The following FBN1 variants were observed in gnomAD, a reference collection of about 807,000 sequenced individuals.
FBN1 encodes the protein fibrillin-1.
FBN1 carries 29 observed loss-of-function variants against 365.1 expected under a neutral mutation model. That is an observed-to-expected ratio of 0.08 (90% CI 0.06 to 0.11). The LOEUF (loss-of-function observed/expected upper bound fraction) is 0.11. Ranked by LOEUF, FBN1 falls within the 10% of genes least tolerant of loss-of-function variation. The probability of loss-of-function intolerance (pLI) is 1.00; values close to 1 mark genes in which losing one functional copy is unlikely to be tolerated. For synonymous variants in FBN1, 1,210 were observed against 1,270.5 expected, an observed-to-expected ratio of 0.95 and a Z score of 1.01; for missense variants, 2,476 against 3,703.2, an observed-to-expected ratio of 0.67 and a Z score of 8.60.
At chr15:48,501,143 T>C (rs990609989) in intron 17 of FBN1, among the ~76,000 whole-genome samples, 30 of 152,294 alleles carry the variant, frequency 2.0e-4, no homozygotes, top group African/African-American at 6.7e-4. Flanking sequence ...AGCTTTACTG[T>C]TGCTTTGGTT....
chr15:48,416,538 A>C (rs1393583391), intron 63 of FBN1: 1 of 153,098 alleles, frequency 6.5e-6, no homozygotes, highest in Non-Finnish European at 1.5e-5. Flanking sequence ...AGACTTCACA[A>C]GCAGTAATTG....
chr15:48,644,666 T>C lies in FBN1; in HGVS notation c.104A>G (p.Lys35Arg), dbSNP rs554167248. ...ADANLEAGNV[K>R]ETRASRAKRR... ...CTTGGCCCGACTGGCTCTGGTTTCC[T>C]TCACGTTCCCAGCCTCCAAATTGGC... The change falls in exon 2 of 66, where the codon AAG becomes AGG. Residue 35 changes from lysine (K) to arginine (R), a missense_variant. By Grantham distance (26) the Lys-to-Arg change is conservative (BLOSUM62 2). Around this residue, in one of 5 missense-constraint regions of FBN1, gnomAD observed 76 missense variants for 85.4 expected, o/e 0.89. Coordinates refer to ENST00000316623, the MANE Select transcript of FBN1 (RefSeq NM_000138.5). The C allele has an allele frequency of 1.2e-6, 2 of 1,613,940 alleles. No homozygotes were observed. Among genetic ancestry groups the C allele is most frequent in the African/African-American group, 1.3e-5 (1 of 74,838 alleles).
At position 48,409,719 on chromosome 15, in the gene FBN1, G is replaced by C. The variant is rs368317202; in HGVS notation, c.*1271C>G. On this transcript the variant is annotated 3_prime_UTR_variant, in exon 66 of 66. Transcript: ENST00000316623. ...TTGCCAAAACTGTGTATATTTGAGAGGGGGGCATGATAAATCTATTATAAT... is the reference window on the plus strand; with the variant it reads ...TTGCCAAAACTGTGTATATTTGAGACGGGGGCATGATAAATCTATTATAAT... The C allele has an allele frequency of 3.3e-5, 5 of 152,250 alleles. No individual in the cohort carries two copies. The South Asian group carries it at 1.0e-3, about 32-fold the overall frequency. The allele number at this position is 152,250 out of a possible 1,614,324, so 9.4% of individuals were successfully genotyped here.
At chr15:48,586,078 T>C (rs1320907136) in intron 6 of FBN1, among the ~76,000 whole-genome samples, 1 of 152,192 alleles carries the variant, frequency 6.6e-6, no homozygotes, top group African/African-American at 2.4e-5. Context: ...TACCTCTTAG[T>C]AAATATTTAA....
intron 60 of FBN1, among the ~76,000 whole-genome samples, chr15:48,423,770 C>G (rs2042959840): frequency 6.6e-6 from 1 of 152,086 alleles, no homozygotes; most frequent in Non-Finnish European, 1.5e-5. Flanking sequence ...ACTATCTGCA[C>G]TATTCATTTG....
At chr15:48,439,764 A>G (rs2043098773) in intron 50 of FBN1, among the ~76,000 whole-genome samples, 1 of 152,122 alleles carries the variant, frequency 6.6e-6, no homozygotes, top group South Asian at 2.1e-4. Flanking sequence ...GAAAAAAAAA[A>G]ATCTTGGCAT....
At chr15:48,572,358 G>C (rs992251551) in intron 6 of FBN1, among the ~76,000 whole-genome samples, 3 of 151,966 alleles carry the variant, frequency 2.0e-5, no homozygotes, top group African/African-American at 7.2e-5. Context: ...CTCTACCTTT[G>C]TAGGGGCAAG....
rs139437414 is a variant in FBN1, at chr15:48,532,835, TG to T, written c.862+1244del. 4.1e-3 allele frequency among the ~76,000 whole-genome samples: 627 copies of T among 152,320 alleles called. 5 individuals carry two copies. Among genetic ancestry groups the T allele is most frequent in the Non-Finnish European group, 6.0e-3 (411 of 68,020 alleles). ...CTTTATTGTTCTTTGAAACTTAAAA[TG>T]TTTTTTTAAGAAGTCTTTAGAAAGA... On this transcript the variant is annotated intron_variant, in intron 8 of 65. Coordinates refer to ENST00000316623, the MANE Select transcript of FBN1 (RefSeq NM_000138.5).
intron 58 of FBN1, among the ~76,000 whole-genome samples, chr15:48,427,096 G>A (rs2141228333): frequency 6.6e-6 from 1 of 152,266 alleles, no homozygotes; most frequent in East Asian, 1.9e-4. Flanking sequence ...TCCTCATCCT[G>A]CTCTAGTTAA....
chr15:48,517,187 G>C (rs1455877107), intron 10 of FBN1, among the ~76,000 whole-genome samples: 5 of 152,150 alleles, frequency 3.3e-5, no homozygotes, highest in African/African-American at 1.2e-4. Flanking sequence ...CATCCAAGTG[G>C]AGCTATCACT....
chr15:48,435,744 A>G (rs1337635822), intron 53 of FBN1, among the ~76,000 whole-genome samples: 3 of 112,590 alleles, frequency 2.7e-5, no homozygotes, highest in African/African-American at 5.6e-5. Flanking sequence ...ATATGTGTGT[A>G]TATATATGTG....
chr15:48,629,610 A>G (rs1370291939), intron 2 of FBN1, among the ~76,000 whole-genome samples: 1 of 152,210 alleles, frequency 6.6e-6, no homozygotes, highest in Non-Finnish European at 1.5e-5. Context: ...TGAAATATTT[A>G]AAAGTAAAAT....
At chr15:48,468,243 C>T (rs1014931426) in intron 37 of FBN1, 141 bp from the exon 38 acceptor site, 5 of 1,340,078 alleles carry the variant, frequency 3.7e-6, no homozygotes, top group South Asian at 1.2e-5. Context: ...ACATTATACA[C>T]TACCGAGAAT....
intron 6 of FBN1, among the ~76,000 whole-genome samples, chr15:48,557,322 T>C (rs1396830796): frequency 6.6e-6 from 1 of 152,198 alleles, no homozygotes; most frequent in Non-Finnish European, 1.5e-5. Flanking sequence ...AAACCAGCAC[T>C]AGGACTCAAG....
chr15:48,423,715 C>T (rs2141224390), intron 60 of FBN1, among the ~76,000 whole-genome samples: 1 of 152,300 alleles, frequency 6.6e-6, no homozygotes, highest in African/African-American at 2.4e-5. Context: ...GTGCTGCTCC[C>T]ACGGCCACCC....
chr15:48,409,566 T>C lies in FBN1; in HGVS notation c.*1424A>G, dbSNP rs1298124501. On this transcript the variant is annotated 3_prime_UTR_variant, in exon 66 of 66. Transcript: ENST00000316623. The stretch of plus-strand genomic sequence containing the variant: ...CTTAAAATAAAACAGACTTTAAAAA[T>C]TATGACATTAAGAAACCAAAAGTTA... 1 of 152,106 alleles carries C rather than the reference T, an allele frequency of 6.6e-6. No individual in the cohort carries two copies. The highest frequency in any genetic ancestry group is 1.5e-5 in the Non-Finnish European group (1 of 68,022). The allele number at this position is 152,106 out of a possible 1,614,324, so 9.4% of individuals were successfully genotyped here.
intron 4 of FBN1, among the ~76,000 whole-genome samples, chr15:48,600,507 C>T (rs1202537173): frequency 2.0e-5 from 3 of 152,184 alleles, no homozygotes; most frequent in Non-Finnish European, 2.9e-5. Flanking sequence ...AGTTTGAGAC[C>T]AGCCTGGCCA....
chr15:48,475,252 G>C (rs553555955), intron 32 of FBN1, among the ~76,000 whole-genome samples: 18 of 152,152 alleles, frequency 1.2e-4, no homozygotes, highest in Admixed American at 1.2e-3. Flanking sequence ...CTTTTCCCTA[G>C]CTTCTTAGAG....
intron 60 of FBN1, among the ~76,000 whole-genome samples, chr15:48,423,088 C>T (rs1361900488): frequency 1.3e-5 from 2 of 152,220 alleles, no homozygotes; most frequent in African/African-American, 4.8e-5. Flanking sequence ...TTCTAAGTTG[C>T]ATTCTCAACT....
Sources: gnomAD v4.1 joint callset for allele counts (sites outside exome capture counted in the v4.1 genomes callset) on GRCh38, gnomAD v4.1.1 for gene constraint, gnomAD v4.1.1 regional missense constraint, MANE v1.5 for transcripts, NCBI Gene and HGNC (gene_info 2026-07-23, HGNC 2026-07-21) for gene names.